FSTL5: variants seen among roughly 807,000 people sequenced by gnomAD.
FSTL5 encodes the protein follistatin like 5, also known as follistatin-related protein 5.
FSTL5 carries 62 observed loss-of-function variants against 89.1 expected under a neutral mutation model. The observed-to-expected ratio is 0.70, with a 90% CI of 0.57 to 0.86. The LOEUF (loss-of-function observed/expected upper bound fraction) is 0.86. Ranked by LOEUF, FSTL5 falls within the 40% of genes least tolerant of loss-of-function variation. The pLI, the probability that FSTL5 is intolerant of heterozygous loss-of-function variation, is 0.00. For synonymous variants in FSTL5, 383 were observed against 346.2 expected (o/e 1.11, Z -1.18); for missense variants, 1,057 against 1,001.6 (o/e 1.06, Z -0.75).
At chr4:161,868,053 G>T (rs369154172) in intron 4 of FSTL5, among the ~76,000 whole-genome samples, 1 of 151,948 alleles carries the variant, frequency 6.6e-6, no homozygotes, top group Admixed American at 6.6e-5. Context: ...ATAGATAAAA[G>T]CTGCATCAGA....
intron 6 of FSTL5, among the ~76,000 whole-genome samples, chr4:161,686,319 TATATATATATATATATATATATATA>T (rs1560789432): frequency 2.0e-3 from 9 of 4,530 alleles, no homozygotes; most frequent in African/African-American, 6.0e-3. Context: ...TATATATATA[TATATATATATATATATATATATATA>T]TATTTTTTTT....
intron 3 of FSTL5, among the ~76,000 whole-genome samples, chr4:161,931,070 C>A (rs1190092115): frequency 6.6e-6 from 1 of 151,746 alleles, no homozygotes; most frequent in African/African-American, 2.4e-5. Context: ...GGGATGTGGA[C>A]AATAGATGCG....
chr4:162,080,740 C>T (rs1299255496), intron 2 of FSTL5, among the ~76,000 whole-genome samples: 1 of 151,534 alleles, frequency 6.6e-6, no homozygotes, highest in Non-Finnish European at 1.5e-5. Flanking sequence ...CCCCCATACC[C>T]TCAAATTTGC....
intron 3 of FSTL5, among the ~76,000 whole-genome samples, chr4:161,992,864 ATATATATATAT>A (rs1560957374): frequency 0.023 from 1,535 of 65,498 alleles, 72 homozygotes; most frequent in African/African-American, 0.044. Flanking sequence ...AAAAAAAAAT[ATATATATATAT>A]ATATATATAT....
chr4:162,158,642 A>T (rs747512114), intron 1 of FSTL5, among the ~76,000 whole-genome samples: 7 of 152,152 alleles, frequency 4.6e-5, no homozygotes, highest in South Asian at 2.1e-4. Context: ...TTGTGTGACC[A>T]TAGGATACAG....
chr4:162,159,163 T>C (rs887547333), intron 1 of FSTL5, among the ~76,000 whole-genome samples: 1 of 152,000 alleles, frequency 6.6e-6, no homozygotes, highest in Non-Finnish European at 1.5e-5. Context: ...AAAAAAACAA[T>C]ATCTAGTGGT....
At chr4:161,759,903 T>C (rs768920731) in intron 5 of FSTL5, among the ~76,000 whole-genome samples, 1 of 152,104 alleles carries the variant, frequency 6.6e-6, no homozygotes, top group East Asian at 1.9e-4. Context: ...CTCGGTGACC[T>C]ATGTCAAAAT....
chr4:161,707,498 A>G (rs940430666), intron 6 of FSTL5, among the ~76,000 whole-genome samples: 2 of 151,944 alleles, frequency 1.3e-5, no homozygotes, highest in African/African-American at 4.8e-5. Flanking sequence ...AAAATTTGTT[A>G]CGGCATAAAG....
At chr4:161,522,612 C>T (rs1327000608) in intron 10 of FSTL5, among the ~76,000 whole-genome samples, 1 of 151,300 alleles carries the variant, frequency 6.6e-6, no homozygotes, top group Non-Finnish European at 1.5e-5. Flanking sequence ...ATCTTTCCCA[C>T]ACTCTACAAG....
At chr4:161,627,646 A>G (rs779621138) in intron 7 of FSTL5, among the ~76,000 whole-genome samples, 19 of 152,172 alleles carry the variant, frequency 1.2e-4, no homozygotes, top group Non-Finnish European at 2.4e-4. Flanking sequence ...CAGAATATTA[A>G]CTTTTAATAA....
chr4:161,503,537 A>C (rs1488435072), intron 11 of FSTL5, among the ~76,000 whole-genome samples: 2 of 151,964 alleles, frequency 1.3e-5, no homozygotes, highest in Non-Finnish European at 2.9e-5. Flanking sequence ...GATTTCAACC[A>C]ATGCCATTTA....
chr4:161,675,351 C>G (rs571723114), intron 6 of FSTL5, among the ~76,000 whole-genome samples: 2 of 151,524 alleles, frequency 1.3e-5, no homozygotes, highest in Non-Finnish European at 3.0e-5. Context: ...AGCTTATATT[C>G]TATTTATTTT....
At chr4:161,663,059 A>G (rs1321506601) in intron 6 of FSTL5, among the ~76,000 whole-genome samples, 2 of 152,088 alleles carry the variant, frequency 1.3e-5, no homozygotes, top group Non-Finnish European at 2.9e-5. Context: ...CACAGGAAAG[A>G]CCGGCCCCCA....
chr4:161,768,311 C>T (rs1741088722), intron 5 of FSTL5, among the ~76,000 whole-genome samples: 2 of 152,028 alleles, frequency 1.3e-5, no homozygotes, highest in South Asian at 4.1e-4. Flanking sequence ...AGAATATATA[C>T]CTTGCCATTC....
intron 15 of FSTL5, among the ~76,000 whole-genome samples, chr4:161,440,684 T>C (rs1732729229): frequency 6.6e-6 from 1 of 152,150 alleles, no homozygotes; most frequent in South Asian, 2.1e-4. Context: ...CACATCTCAA[T>C]GACTTCTTAT....
At chr4:161,698,274 T>C (rs1187413567) in intron 6 of FSTL5, among the ~76,000 whole-genome samples, 2 of 152,108 alleles carry the variant, frequency 1.3e-5, no homozygotes, top group African/African-American at 4.8e-5. Context: ...GAAATAAATG[T>C]TTGTTGTTTA....
chr4:161,864,286 G>T (rs1207891089), intron 4 of FSTL5, among the ~76,000 whole-genome samples: 1 of 152,112 alleles, frequency 6.6e-6, no homozygotes, highest in East Asian at 1.9e-4. Flanking sequence ...CACTGGCTTT[G>T]GGGTCAGGTG....
intron 6 of FSTL5, among the ~76,000 whole-genome samples, chr4:161,752,839 G>A (rs979264955): frequency 1.8e-4 from 28 of 152,110 alleles, no homozygotes; most frequent in African/African-American, 6.0e-4. Context: ...GTCCTAATCT[G>A]ATAGGTTTTT....
At chr4:162,016,393 T>C (rs1489520451) in intron 3 of FSTL5, among the ~76,000 whole-genome samples, 2 of 152,106 alleles carry the variant, frequency 1.3e-5, no homozygotes, top group East Asian at 1.9e-4. Flanking sequence ...AATTGTAAGG[T>C]TGTAAGAGAA....
Sources: gnomAD v4.1 joint callset for allele counts (sites outside exome capture counted in the v4.1 genomes callset) on GRCh38, gnomAD v4.1.1 for gene constraint, MANE v1.5 for transcripts, NCBI Gene and HGNC (gene_info 2026-07-23, HGNC 2026-07-21) for gene names.